The following MCEE variants were observed in gnomAD, a reference collection of about 807,000 sequenced individuals.
The protein encoded by MCEE is methylmalonyl-CoA epimerase, mitochondrial.
MCEE carries 6 observed loss-of-function variants against 12.9 expected under a neutral mutation model. The ratio of observed to expected loss-of-function variants is 0.47; its 90% CI spans 0.26 to 0.92. MCEE has a LOEUF of 0.92. Among genes scored for constraint, MCEE ranks in the 40% least tolerant of loss-of-function variants. The pLI is 0.16. For synonymous variants in MCEE, 78 were observed against 77.9 expected (o/e 1.00, Z -0.01); for missense variants, 214 against 212.1 (o/e 1.01, Z -0.05).
rs1470399900 is a variant in MCEE at position 71,124,461 on chromosome 2, A to G, written c.123T>C (p.Ser41=). Residue 41 remains serine (S), a synonymous_variant, in exon 2 of 3, where the codon TCT becomes TCC. Coordinates refer to ENST00000244217, the MANE Select transcript of MCEE (RefSeq NM_032601.4). ...TSQPLDQVTG[S]VWNLGRLNHV... is the part of the protein sequence containing the mutation. ...GGTTGAGTCGACCCAGGTTCCACAC[A>G]GAACCTGTCACTTGATCCAAGGGCT... The G allele has an allele frequency of 6.2e-7, 1 of 1,614,080 alleles. No homozygotes were observed.
intron 1 of MCEE, among the ~76,000 whole-genome samples, chr2:71,127,987 C>T (rs1313501782): frequency 1.3e-5 from 2 of 152,168 alleles, no homozygotes; most frequent in Non-Finnish European, 2.9e-5. Flanking sequence ...TTTAGAAAGT[C>T]ATTCATTAGA....
rs115175255 is a variant in MCEE, at chr2:71,110,073, C to A, written c.428G>T (p.Arg143Leu). ...AVMDLKKKKI[R>L]SLSEEVKIGA... ...TATTTTGACCTCTTCACTTAGACTG[C>A]GGATCTTCTTTTTTTTCAAATCCAT... The change falls in exon 3 of 3, where the codon CGC becomes CTC. Residue 143 changes from arginine (R) to leucine (L), a missense_variant. Physicochemically the swap from Arg to Leu is moderately radical, Grantham distance 102. Coordinates refer to ENST00000244217, the MANE Select transcript of MCEE (RefSeq NM_032601.4). The A allele has an allele frequency of 6.2e-7, 1 of 1,613,156 alleles. No individual in the cohort carries two copies. Among genetic ancestry groups the A allele is most frequent in the Non-Finnish European group, 8.5e-7 (1 of 1,179,308 alleles).
At chr2:71,112,324 A>G (rs1187116117) in intron 2 of MCEE, among the ~76,000 whole-genome samples, 1 of 151,346 alleles carries the variant, frequency 6.6e-6, no homozygotes, top group African/African-American at 2.4e-5. Flanking sequence ...TTTAGTAGAG[A>G]AGGGGTTTCA....
intron 2 of MCEE, among the ~76,000 whole-genome samples, chr2:71,115,193 C>T (rs562777912): frequency 6.6e-6 from 1 of 152,256 alleles, no homozygotes; most frequent in Admixed American, 6.5e-5. Flanking sequence ...GAGTTTGACA[C>T]CAGCCTGGGA....
chr2:71,122,817 C>T (rs1264399981), intron 2 of MCEE, among the ~76,000 whole-genome samples: 1 of 152,250 alleles, frequency 6.6e-6, no homozygotes, highest in East Asian at 1.9e-4. Flanking sequence ...GTTATGATAA[C>T]TCTATGCCTT....
At chr2:71,113,281 T>C (rs1307456456) in intron 2 of MCEE, among the ~76,000 whole-genome samples, 2 of 152,196 alleles carry the variant, frequency 1.3e-5, no homozygotes, top group East Asian at 3.8e-4. Flanking sequence ...GAAATGTGTA[T>C]AGATATGTGT....
In MCEE at chr2:71,110,001, CCA is replaced by C. The variant is rs1326115780; in HGVS notation, c.498_499del (p.Cys166TrpfsTer20). On this transcript the variant is annotated frameshift_variant, in exon 3 of 3. Transcript: ENST00000244217. LOFTEE classifies it high-confidence loss of function. ...TTGCTCCAGTTCCACAAGGACTCCACCACAGTCTTTAGGATGGAGAAAAATCA... is the reference window on the plus strand; with the variant it reads ...TTGCTCCAGTTCCACAAGGACTCCACCAGTCTTTAGGATGGAGAAAAATCA... 1.9e-6 allele frequency: 3 copies of C among 1,613,740 alleles called. No individual in the cohort carries two copies. Among genetic ancestry groups the C allele is most frequent in the African/African-American group, 1.3e-5 (1 of 75,026 alleles).
chr2:71,125,395 T>TG (rs1480747312), intron 1 of MCEE, among the ~76,000 whole-genome samples: 1 of 151,152 alleles, frequency 6.6e-6, no homozygotes, highest in Non-Finnish European at 1.5e-5. Flanking sequence ...TTAGTAGAGA[T>TG]GGGGTTTCGC....
intron 1 of MCEE, among the ~76,000 whole-genome samples, chr2:71,124,822 C>T (rs1647239826): frequency 6.6e-6 from 1 of 152,122 alleles, no homozygotes; most frequent in African/African-American, 2.4e-5. Flanking sequence ...TTCATATTTA[C>T]TGGTAACACT....
At chr2:71,129,014 T>C (rs1251028986) in intron 1 of MCEE, among the ~76,000 whole-genome samples, 1 of 149,888 alleles carries the variant, frequency 6.7e-6, no homozygotes, top group Admixed American at 6.6e-5. Context: ...AATTTTACTT[T>C]ATGTATATTC....
intron 2 of MCEE, among the ~76,000 whole-genome samples, chr2:71,118,079 G>A (rs527254798): frequency 1.3e-4 from 19 of 150,036 alleles, no homozygotes; most frequent in African/African-American, 2.5e-4. Flanking sequence ...CATCCCGCCC[G>A]GAAGCGTCCC....
At chr2:71,112,414 C>T (rs1334347401) in intron 2 of MCEE, among the ~76,000 whole-genome samples, 9 of 134,978 alleles carry the variant, frequency 6.7e-5, no homozygotes, top group African/African-American at 2.5e-4. Context: ...GGATTACAGG[C>T]GTGAGCCACT....
At chr2:71,125,913 T>C (rs1257235999) in intron 1 of MCEE, among the ~76,000 whole-genome samples, 1 of 152,198 alleles carries the variant, frequency 6.6e-6, no homozygotes, top group Non-Finnish European at 1.5e-5. Flanking sequence ...AGTACACATA[T>C]ACATAAATGT....
At chr2:71,112,751 G>C (rs546508257) in intron 2 of MCEE, among the ~76,000 whole-genome samples, 29 of 152,268 alleles carry the variant, frequency 1.9e-4, no homozygotes, top group African/African-American at 6.5e-4. Context: ...GTAGTTTTCT[G>C]TTTGCCCTAC....
At chr2:71,128,217 C>T (rs976111151) in intron 1 of MCEE, among the ~76,000 whole-genome samples, 12 of 152,218 alleles carry the variant, frequency 7.9e-5, no homozygotes, top group African/African-American at 2.7e-4. Flanking sequence ...TCCCACCTAA[C>T]AGGTTCAATT....
chr2:71,125,211 A>ATTTTTTTTTTTTTTTT (rs1243506608), intron 1 of MCEE, among the ~76,000 whole-genome samples: 5 of 48,606 alleles, frequency 1.0e-4, no homozygotes, highest in Non-Finnish European at 2.2e-4. Flanking sequence ...ATATATATAT[A>ATTTTTTTTTTTTTTTT]TTTTTTTTTT....
At chr2:71,128,885 G>A (rs1362255235) in intron 1 of MCEE, among the ~76,000 whole-genome samples, 1 of 151,410 alleles carries the variant, frequency 6.6e-6, no homozygotes, top group Non-Finnish European at 1.5e-5. Flanking sequence ...AGCTACTCGG[G>A]AGGCTGAGGC....
At chr2:71,116,548 C>CTTT (rs200248524) in intron 2 of MCEE, among the ~76,000 whole-genome samples, 4 of 128,974 alleles carry the variant, frequency 3.1e-5, no homozygotes, top group African/African-American at 9.6e-5. Context: ...GAATTCAAAA[C>CTTT]TTTTTTTTTT....
At chr2:71,118,900 C>A (rs1673046848) in intron 2 of MCEE, among the ~76,000 whole-genome samples, 1 of 149,904 alleles carries the variant, frequency 6.7e-6, no homozygotes, top group African/African-American at 2.5e-5. Context: ...ACTCGGACAC[C>A]TTGCACTGGA....
Sources: allele counts gnomAD v4.1 joint callset (sites outside exome capture counted in the v4.1 genomes callset), GRCh38; gene constraint gnomAD v4.1.1; transcripts MANE v1.5; gene names NCBI Gene and HGNC (gene_info 2026-07-23, HGNC 2026-07-21).